LMBR1: variants seen among roughly 807,000 people sequenced by gnomAD.
LMBR1 encodes the protein limb development membrane protein 1, also known as limb region 1 protein homolog.
In LMBR1, 52 loss-of-function variants were observed where a neutral mutation model predicts 73.9. That is an observed-to-expected ratio of 0.70 (90% CI 0.56 to 0.89). The LOEUF is 0.89. Among genes scored for constraint, LMBR1 ranks in the 40% least tolerant of loss-of-function variants. The pLI is 0.00. For missense variants in LMBR1, 539 were observed against 579.8 expected (o/e 0.93, Z 0.72); for synonymous variants, 215 against 209.4 (o/e 1.03, Z -0.23).
At chr7:156,671,667 C>T (rs151235843) in intron 4 of LMBR1, among the ~76,000 whole-genome samples, 12 of 152,220 alleles carry the variant, frequency 7.9e-5, no homozygotes, top group Admixed American at 5.2e-4. Flanking sequence ...GCGGTACAGG[C>T]GGTCCTGTCG....
intron 4 of LMBR1, among the ~76,000 whole-genome samples, chr7:156,817,019 A>G (rs942400898): frequency 2.0e-5 from 3 of 152,186 alleles, no homozygotes; most frequent in African/African-American, 4.8e-5. Context: ...CAGCAACACT[A>G]TAACAGAAAC....
Position 156,850,575 on chromosome 7 carries a change from G to A in LMBR1, c.67-13690C>T, listed in dbSNP as rs376089159. On this transcript the variant is annotated intron_variant, in intron 1 of 16. Transcript: ENST00000353442. ...TTGTGTCTGGCTTCTTTCACTTAGC[G>A]TAATGTTTTCAAGGTTCATCCATGC... Among the ~76,000 whole-genome samples the A allele has an allele frequency of 1.4e-3, 206 of 152,178 alleles. 2 individuals are homozygous for A. The highest frequency in any genetic ancestry group is 4.6e-3 in the African/African-American group (190 of 41,488).
At chr7:156,872,410 G>A (rs982956465) in intron 1 of LMBR1, among the ~76,000 whole-genome samples, 1 of 152,074 alleles carries the variant, frequency 6.6e-6, no homozygotes, top group Admixed American at 6.5e-5. Flanking sequence ...CACTTTGGGA[G>A]GCCCAAGCAG....
intron 9 of LMBR1, among the ~76,000 whole-genome samples, chr7:156,753,829 T>C (rs1282387799): frequency 6.6e-6 from 1 of 152,112 alleles, no homozygotes; most frequent in Non-Finnish European, 1.5e-5. Context: ...AACAGGGACA[T>C]GAGGGAGGCG....
intron 5 of LMBR1, among the ~76,000 whole-genome samples, chr7:156,792,660 T>C (rs1395360069): frequency 1.3e-5 from 2 of 152,228 alleles, no homozygotes; most frequent in African/African-American, 2.4e-5. Context: ...CCCCCAGGCC[T>C]AATATGTCCT....
At chr7:156,814,387 C>A (rs964682227) in intron 4 of LMBR1, among the ~76,000 whole-genome samples, 1 of 152,150 alleles carries the variant, frequency 6.6e-6, no homozygotes, top group Admixed American at 6.5e-5. Flanking sequence ...CTTAACTGAG[C>A]CTGCAATCAG....
intron 1 of LMBR1, among the ~76,000 whole-genome samples, chr7:156,884,392 C>CA (rs904473015): frequency 0.013 from 1,940 of 144,360 alleles, 16 homozygotes; most frequent in Non-Finnish European, 0.02. Context: ...TGAACACAAG[C>CA]AAAAAAAAAA....
chr7:156,716,256 G>T (rs1418847046), intron 15 of LMBR1, among the ~76,000 whole-genome samples: 5 of 152,186 alleles, frequency 3.3e-5, no homozygotes, highest in African/African-American at 9.7e-5. Context: ...GATAGATAGA[G>T]AAAGGTGAAT....
chr7:156,744,989 G>A (rs1819583651), intron 9 of LMBR1, among the ~76,000 whole-genome samples: 2 of 152,036 alleles, frequency 1.3e-5, no homozygotes, highest in African/African-American at 2.4e-5. Context: ...ACCAACTCTT[G>A]TGAGTACAGT....
chr7:156,879,608 G>A (rs1800744802), intron 1 of LMBR1, among the ~76,000 whole-genome samples: 1 of 146,998 alleles, frequency 6.8e-6, no homozygotes. Flanking sequence ...AGCTTGCAGT[G>A]AGCCAAGATC....
At chr7:156,673,337 T>G (rs1485154290), downstream of LMBR1, among the ~76,000 whole-genome samples, 2 of 152,222 alleles carry the variant, frequency 1.3e-5, no homozygotes, top group African/African-American at 2.4e-5. Flanking sequence ...GAGGTAACTG[T>G]GTATATTTCC....
intron 5 of LMBR1, among the ~76,000 whole-genome samples, chr7:156,775,735 T>G (rs111793710): frequency 6.6e-6 from 1 of 152,218 alleles, no homozygotes; most frequent in South Asian, 2.1e-4. Context: ...GTATGACTTA[T>G]GTAGTAAGAG....
chr7:156,754,586 A>C (rs1351223996), intron 9 of LMBR1, among the ~76,000 whole-genome samples: 1 of 151,976 alleles, frequency 6.6e-6, no homozygotes, highest in Non-Finnish European at 1.5e-5. Flanking sequence ...TAGTCTCATT[A>C]TTCTGGAATT....
chr7:156,699,484 C>T lies in LMBR1; in HGVS notation c.1226-11293G>A, dbSNP rs1381266255. On this transcript the variant is annotated intron_variant, in intron 15 of 16. Transcript: ENST00000353442. ...AAAACCTAGGCAATACCATTCAGGA[C>T]ATAGGCACGGGCAAGGAATTCATGT... 2.0e-5 allele frequency among the ~76,000 whole-genome samples: 3 copies of T among 151,802 alleles called. 1 individual carries two copies. Among genetic ancestry groups the T allele is most frequent in the African/African-American group, 7.3e-5 (3 of 41,072 alleles).
At chr7:156,714,439 T>C (rs1461838455) in intron 15 of LMBR1, among the ~76,000 whole-genome samples, 3 of 152,216 alleles carry the variant, frequency 2.0e-5, no homozygotes, top group Non-Finnish European at 1.5e-5. Flanking sequence ...ATAGAAGGCA[T>C]AGCAGATGTA....
chr7:156,804,974 C>G (rs2133502978), intron 4 of LMBR1, among the ~76,000 whole-genome samples: 1 of 152,206 alleles, frequency 6.6e-6, no homozygotes, highest in South Asian at 2.1e-4. Flanking sequence ...TTAGGATTTA[C>G]ATTTAAGTCG....
chr7:156,892,387 G>A (rs1323782650), intron 1 of LMBR1: 1 of 152,152 alleles, frequency 6.6e-6, no homozygotes, highest in Non-Finnish European at 1.5e-5. Flanking sequence ...CGAGAGGCGG[G>A]CGGGCTCCGC....
chr7:156,773,591 C>T (rs1017910411), intron 5 of LMBR1, among the ~76,000 whole-genome samples: 6 of 152,088 alleles, frequency 3.9e-5, no homozygotes, highest in African/African-American at 1.4e-4. Flanking sequence ...CAAAAACAAG[C>T]AAAGGGGAAA....
intron 1 of LMBR1, among the ~76,000 whole-genome samples, chr7:156,868,150 A>C (rs990602646): frequency 6.6e-6 from 1 of 152,146 alleles, no homozygotes; most frequent in Non-Finnish European, 1.5e-5. Context: ...TGTCAGCTAA[A>C]GAATCATGAG....
Sources: gnomAD v4.1 joint callset for allele counts (sites outside exome capture counted in the v4.1 genomes callset) on GRCh38, gnomAD v4.1.1 for gene constraint, MANE v1.5 for transcripts, NCBI Gene and HGNC (gene_info 2026-07-23, HGNC 2026-07-21) for gene names.